The following COQ5 variants were observed in gnomAD, a reference collection of about 807,000 sequenced individuals.
The protein encoded by COQ5 is coenzyme Q5, methyltransferase.
COQ5 carries 27 observed loss-of-function variants against 40.5 expected under a neutral mutation model. The ratio of observed to expected loss-of-function variants is 0.67; its 90% CI spans 0.49 to 0.92. The LOEUF (loss-of-function observed/expected upper bound fraction) is 0.92. COQ5 is among the 40% of genes least tolerant of loss of function. COQ5 has a pLI of 0.00. For synonymous variants in COQ5, 141 were observed against 150.0 expected (o/e 0.94, Z 0.44); for missense variants, 409 against 406.4 (o/e 1.01, Z -0.06).
intron 4 of COQ5, chr12:120,509,744 T>C (rs80310771): frequency 0.014 from 5,804 of 412,460 alleles, 292 homozygotes; most frequent in African/African-American, 0.11. Flanking sequence ...AAACATTATC[T>C]TTTTTAAGAT....
rs561879102 is a variant in COQ5, at chr12:120,524,492, C to T, written c.203-2129G>A. ...AGCCAGGATGGTCTCGATCTCCTGA[C>T]CTCGTGATCCGCCCGCCTCGGCCTC... On this transcript the variant is annotated intron_variant, in intron 1 of 6. Transcript: ENST00000288532. Among the ~76,000 whole-genome samples, 3 of 152,162 alleles carry T rather than the reference C, an allele frequency of 2.0e-5. No individual in the cohort carries two copies. In the East Asian group the frequency reaches 5.8e-4, roughly 30 times the overall value.
intron 2 of COQ5, among the ~76,000 whole-genome samples, chr12:120,520,492 ATT>A: frequency 6.6e-6 from 1 of 151,914 alleles, no homozygotes; most frequent in East Asian, 1.9e-4. Flanking sequence ...CAACCGACCA[ATT>A]TTTGTATTTT....
intron 5 of COQ5, chr12:120,504,551 A>G: frequency 8.2e-6 from 2 of 245,342 alleles, no homozygotes; most frequent in South Asian, 3.0e-5. Flanking sequence ...CTTGGCCCAA[A>G]TTTCCTGATT....
In COQ5 at chr12:120,503,649, T is replaced by C; in HGVS notation, c.*135A>G. On this transcript the variant is annotated 3_prime_UTR_variant, in exon 7 of 7. Coordinates refer to ENST00000288532, the MANE Select transcript of COQ5 (RefSeq NM_032314.4). ...AATTTGTTCTTCCACTTTGAGACTG[T>C]TCGATTCAAACATGAGTCCAAGGCA... The C allele has an allele frequency of 1.4e-6, 1 of 733,464 alleles. No individual in the cohort carries two copies. The highest frequency in any genetic ancestry group is 1.5e-5 in the South Asian group (1 of 67,862). 45.4% of individuals were successfully genotyped at this position (733,464 alleles called of 1,614,324 possible).
At chr12:120,505,942 A>G (rs992710654) in intron 4 of COQ5, among the ~76,000 whole-genome samples, 4 of 150,572 alleles carry the variant, frequency 2.7e-5, no homozygotes, top group African/African-American at 7.3e-5. Context: ...TGCAACCTCC[A>G]CCTCCCGGGT....
At chr12:120,513,097 G>C (rs1414135932) in intron 3 of COQ5, among the ~76,000 whole-genome samples, 1 of 149,262 alleles carries the variant, frequency 6.7e-6, no homozygotes, top group Admixed American at 6.8e-5. Flanking sequence ...ACAGCACCCA[G>C]CCAAATATGT....
intron 4 of COQ5, 130 bp from the exon 5 acceptor site, chr12:120,505,113 C>T: frequency 1.3e-6 from 1 of 741,442 alleles, no homozygotes; most frequent in Non-Finnish European, 2.4e-6. Context: ...TGTTTGTTCT[C>T]ACTTGGGAAG....
intron 3 of COQ5, 44 bp downstream of exon 3, chr12:120,516,521 TAA>T: frequency 7.0e-7 from 1 of 1,437,406 alleles, no homozygotes; most frequent in Non-Finnish European, 9.8e-7. Context: ...CCTTATTCTA[TAA>T]AGATACAAAT....
chr12:120,517,993 G>C (rs1869458579), intron 2 of COQ5, among the ~76,000 whole-genome samples: 1 of 152,014 alleles, frequency 6.6e-6, no homozygotes, highest in Non-Finnish European at 1.5e-5. Context: ...TTTTAGTAGA[G>C]ATAGGGTTTC....
At chr12:120,511,757 C>T (rs1869145581) in intron 3 of COQ5, among the ~76,000 whole-genome samples, 1 of 152,148 alleles carries the variant, frequency 6.6e-6, no homozygotes, top group East Asian at 1.9e-4. Flanking sequence ...AAACACTTGA[C>T]TAAGGTTATA....
intron 4 of COQ5, among the ~76,000 whole-genome samples, chr12:120,509,123 T>TACCACTTA (rs1432641857): frequency 6.6e-6 from 1 of 152,012 alleles, no homozygotes; most frequent in Non-Finnish European, 1.5e-5. Context: ...ATAAAGAACT[T>TACCACTTA]ACCACTTAAC....
intron 3 of COQ5, 84 bp from the exon 4 acceptor site, chr12:120,510,207 A>T: frequency 9.3e-7 from 1 of 1,079,412 alleles, no homozygotes; most frequent in South Asian, 1.3e-5. Context: ...TAGAGCATTG[A>T]GCTGGAGAGC....
chr12:120,520,088 AATT>A (rs1047206449), intron 2 of COQ5, among the ~76,000 whole-genome samples: 1 of 151,642 alleles, frequency 6.6e-6, no homozygotes, highest in Non-Finnish European at 1.5e-5. Flanking sequence ...TATCGTTACT[AATT>A]ATCAAATTAT....
At chr12:120,522,188 G>T (rs1324440675) in intron 2 of COQ5, 26 bp downstream of exon 2, 34 of 1,613,736 alleles carry the variant, frequency 2.1e-5, no homozygotes, top group Non-Finnish European at 2.9e-5. Flanking sequence ...CTCAATGGTA[G>T]TGAAGGATAC....
intron 1 of COQ5, chr12:120,523,815 G>C (rs552461741): frequency 2.0e-4 from 56 of 285,246 alleles, no homozygotes; most frequent in African/African-American, 8.7e-4. Context: ...TTCAAGGCTA[G>C]CCTGGCCAAC....
At chr12:120,524,481 C>T (rs548253524) in intron 1 of COQ5, among the ~76,000 whole-genome samples, 1 of 151,980 alleles carries the variant, frequency 6.6e-6, no homozygotes, top group South Asian at 2.1e-4. Flanking sequence ...AGGATGGTCT[C>T]GATCTCCTGA....
At position 120,503,848 on chromosome 12, in the gene COQ5, T is replaced by G; in HGVS notation, c.920A>C (p.His307Pro). ...TGTTAGACTTTCGTAAGTCACCTTG[T>G]GAAAGCCTGCATCTTCTATCATGTC... ...FKDMIEDAGF[H>P]KVTYESLTSG... Residue 307 changes from histidine to proline, a missense_variant, in exon 7 of 7, where the codon CAC becomes CCC. Physicochemically the swap from His to Pro is moderately conservative, Grantham distance 77. Coordinates refer to ENST00000288532, the MANE Select transcript of COQ5 (RefSeq NM_032314.4). 1.2e-6 allele frequency: 2 copies of G among 1,614,174 alleles called. No homozygotes were observed. The highest frequency in any genetic ancestry group is 2.2e-5 in the South Asian group (2 of 91,078).
intron 4 of COQ5, among the ~76,000 whole-genome samples, chr12:120,507,858 G>A (rs1593014317): frequency 6.7e-6 from 1 of 149,316 alleles, no homozygotes; most frequent in Non-Finnish European, 1.5e-5. Flanking sequence ...CTGCACTCTA[G>A]CCTGGGTGAC....
rs776407019 is a variant in COQ5 at position 120,529,081 on chromosome 12, T to A, written c.61A>T (p.Met21Leu). 6.0e-5 allele frequency: 97 copies of A among 1,613,912 alleles called. No homozygotes were observed. The highest frequency in any genetic ancestry group is 7.5e-5 in the Non-Finnish European group (89 of 1,180,026). Reference protein sequence around the residue: ...SYCGRGWSRAMRGCQLLGLRS... With the variant: ...SYCGRGWSRALRGCQLLGLRS... ...AGCCCGAGGAGCTGGCAGCCCCGCA[T>A]CGCCCGCGACCACCCACGGCCGCAA... The change falls in exon 1 of 7, where the codon ATG becomes TTG. Residue 21 changes from methionine (M) to leucine (L), a missense_variant. Transcript: ENST00000288532.
Sources: allele counts gnomAD v4.1 joint callset (sites outside exome capture counted in the v4.1 genomes callset), GRCh38; gene constraint gnomAD v4.1.1; transcripts MANE v1.5; gene names NCBI Gene and HGNC (gene_info 2026-07-23, HGNC 2026-07-21).